The following TLN2 variants were observed in gnomAD, a reference collection of about 807,000 sequenced individuals.
The protein encoded by TLN2 is talin 2.
A neutral mutation model predicts 294.7 loss-of-function variants in TLN2; 118 were observed. That is an observed-to-expected ratio of 0.40 (90% CI 0.34 to 0.47). The LOEUF is 0.47. Ranked by LOEUF, TLN2 falls within the 20% of genes least tolerant of loss-of-function variation. The pLI is 0.84. For missense variants in TLN2, 3,083 were observed against 3,282.2 expected, an observed-to-expected ratio of 0.94 and a Z score of 1.48; for synonymous variants, 1,431 against 1,304.5, an observed-to-expected ratio of 1.10 and a Z score of -2.09.
intron 6 of TLN2, 139 bp from the exon 7 acceptor site, chr15:62,653,023 C>A: frequency 1.9e-6 from 1 of 540,278 alleles, no homozygotes; most frequent in Non-Finnish European, 3.0e-6. Flanking sequence ...GATGTGGCCA[C>A]CTCCCTGACC....
At chr15:62,756,370 G>A (rs1048478422) in intron 37 of TLN2, among the ~76,000 whole-genome samples, 16 of 152,166 alleles carry the variant, frequency 1.1e-4, no homozygotes, top group Non-Finnish European at 1.8e-4. Context: ...GGTGGGCGAT[G>A]AAGCCACAAA....
In TLN2 at chr15:62,406,736, G is replaced by A. The variant is rs1488503665; in HGVS notation, c.-238+16051G>A. 2.6e-4 allele frequency among the ~76,000 whole-genome samples: 40 copies of A among 152,114 alleles called. 1 individual carries two copies. Among genetic ancestry groups the A allele is most frequent in the Admixed American group, 2.6e-3 (39 of 15,276 alleles). On this transcript the variant is annotated intron_variant, in intron 1 of 58. Transcript: ENST00000636159. ...TGAAAGTTGCTTTCACCCTGGCTGT[G>A]TCTTAGCTAGTCCTCAGTCTGATCT...
At chr15:62,572,538 C>T (rs2043969938) in intron 1 of TLN2, among the ~76,000 whole-genome samples, 1 of 152,126 alleles carries the variant, frequency 6.6e-6, no homozygotes, top group South Asian at 2.1e-4. Context: ...GCCTTTTTTT[C>T]CCCCTTAGAT....
At chr15:62,826,493 C>G (rs947207526) in intron 54 of TLN2, among the ~76,000 whole-genome samples, 2 of 152,182 alleles carry the variant, frequency 1.3e-5, no homozygotes, top group African/African-American at 4.8e-5. Context: ...GGCCAGCTGT[C>G]CATGCCTGGC....
At chr15:62,722,290 G>C (rs1196106474) in intron 25 of TLN2, 63 bp from the exon 26 acceptor site, 2 of 1,538,614 alleles carry the variant, frequency 1.3e-6, no homozygotes, top group South Asian at 2.4e-5. Context: ...TCGCTGCTTA[G>C]GTCTCTCCTC....
intron 2 of TLN2, among the ~76,000 whole-genome samples, chr15:62,616,844 C>T (rs1310843260): frequency 6.6e-6 from 1 of 152,178 alleles, no homozygotes; most frequent in Non-Finnish European, 1.5e-5. Flanking sequence ...CCTTGTTAGT[C>T]TCTTATTAGA....
intron 9 of TLN2, among the ~76,000 whole-genome samples, chr15:62,661,070 CTCTT>C (rs1233666322): frequency 5.3e-5 from 8 of 152,150 alleles, no homozygotes; most frequent in African/African-American, 1.9e-4. Context: ...GAAGAATTAA[CTCTT>C]AAAACAGCCA....
At chr15:62,691,806 A>G (rs1318086772) in intron 12 of TLN2, among the ~76,000 whole-genome samples, 1 of 152,002 alleles carries the variant, frequency 6.6e-6, no homozygotes, top group East Asian at 1.9e-4. Context: ...AGGAGCTGGA[A>G]CTGCAGGCTC....
chr15:62,621,562 G>T lies in TLN2; in HGVS notation c.-37+3087G>T, dbSNP rs901025400. The stretch of plus-strand genomic sequence containing the variant: ...GAAGTTTAAATCCAGAGAAGTTCAG[G>T]TCCTCATGCTGTGAAACTCAATCGT... On this transcript the variant is annotated intron_variant, in intron 3 of 58. Transcript: ENST00000636159. Among the ~76,000 whole-genome samples, 13 of 152,290 alleles carry T rather than the reference G, an allele frequency of 8.5e-5. 1 individual carries two copies. Among genetic ancestry groups the T allele is most frequent in the Admixed American group, 8.5e-4 (13 of 15,290 alleles).
chr15:62,647,025 C>T (rs1462138445), intron 3 of TLN2, among the ~76,000 whole-genome samples: 1 of 152,206 alleles, frequency 6.6e-6, no homozygotes, highest in Non-Finnish European at 1.5e-5. Flanking sequence ...GGAGCTCCCT[C>T]CTCCTAAGGG....
Position 62,730,680 on chromosome 15 carries a change from T to C in TLN2, c.3358+3491T>C, listed in dbSNP as rs180873143. On this transcript the variant is annotated intron_variant, in intron 28 of 58. Transcript: ENST00000636159. ...GCACTTTGGAGATGTTATTCCATTG[T>C]TGCTGGCTTCCTTTATTTCTGTTGT... Among the ~76,000 whole-genome samples the C allele has an allele frequency of 2.4e-3, 359 of 152,358 alleles. 1 individual carries two copies. Among genetic ancestry groups the C allele is most frequent in the Non-Finnish European group, 3.8e-3 (261 of 68,024 alleles).
At chr15:62,480,510 C>T (rs1413745385) in intron 1 of TLN2, among the ~76,000 whole-genome samples, 2 of 152,202 alleles carry the variant, frequency 1.3e-5, no homozygotes, top group African/African-American at 2.4e-5. Context: ...CAGGCGTGAG[C>T]CACGGTGCCC....
At chr15:62,495,534 A>T (rs1014067941) in intron 1 of TLN2, among the ~76,000 whole-genome samples, 1 of 152,262 alleles carries the variant, frequency 6.6e-6, no homozygotes, top group Non-Finnish European at 1.5e-5. Context: ...TGCCATAAGC[A>T]AGGGAAAGAA....
chr15:62,495,822 G>A (rs2038985255), intron 1 of TLN2, among the ~76,000 whole-genome samples: 1 of 152,084 alleles, frequency 6.6e-6, no homozygotes, highest in Admixed American at 6.5e-5. Context: ...GCAAGGTGGG[G>A]TGTGGCCACA....
intron 1 of TLN2, among the ~76,000 whole-genome samples, chr15:62,585,399 C>T (rs1014735479): frequency 6.6e-6 from 1 of 152,174 alleles, no homozygotes; most frequent in Non-Finnish European, 1.5e-5. Flanking sequence ...TTCATCCTCA[C>T]AACAGTCAAA....
intron 16 of TLN2, 133 bp from the exon 17 acceptor site, chr15:62,700,973 T>G: frequency 1.4e-6 from 1 of 710,228 alleles, no homozygotes; most frequent in Non-Finnish European, 2.4e-6. Context: ...TAGGATAACT[T>G]AAGGGCCCTG....
intron 1 of TLN2, among the ~76,000 whole-genome samples, chr15:62,482,777 G>A (rs2038179434): frequency 6.6e-6 from 1 of 152,084 alleles, no homozygotes; most frequent in African/African-American, 2.4e-5. Flanking sequence ...GGGCTTCAAA[G>A]TCTTCTAACC....
intron 9 of TLN2, among the ~76,000 whole-genome samples, chr15:62,661,100 A>G (rs1274407031): frequency 1.3e-5 from 2 of 152,186 alleles, no homozygotes; most frequent in Admixed American, 6.5e-5. Context: ...AAACATAATA[A>G]TGACTAATTT....
chr15:62,786,702 A>G (rs1403495950), intron 45 of TLN2, among the ~76,000 whole-genome samples: 1 of 152,142 alleles, frequency 6.6e-6, no homozygotes, highest in Non-Finnish European at 1.5e-5. Flanking sequence ...CCTTTCCCCC[A>G]GATGAAATGG....
Sources: gnomAD v4.1 joint callset for allele counts (sites outside exome capture counted in the v4.1 genomes callset) on GRCh38, gnomAD v4.1.1 for gene constraint, MANE v1.5 for transcripts, NCBI Gene and HGNC (gene_info 2026-07-23, HGNC 2026-07-21) for gene names.